ADCYAP1R1: variants seen among roughly 807,000 people sequenced by gnomAD.
The protein encoded by ADCYAP1R1 is pituitary adenylate cyclase-activating polypeptide type I receptor.
Under a neutral mutation model 67.6 loss-of-function variants are expected in ADCYAP1R1, and 44 were observed. That is an observed-to-expected ratio of 0.65 (90% CI 0.51 to 0.84). The LOEUF (loss-of-function observed/expected upper bound fraction) is 0.84, where lower values mean the gene tolerates loss of function less well. Among genes scored for constraint, ADCYAP1R1 ranks in the 40% least tolerant of loss-of-function variants. The pLI, the probability that ADCYAP1R1 is intolerant of heterozygous loss-of-function variation, is 0.00. For missense variants in ADCYAP1R1, 477 were observed against 587.9 expected, an observed-to-expected ratio of 0.81 and a Z score of 1.95; for synonymous variants, 222 against 219.6, an observed-to-expected ratio of 1.01 and a Z score of -0.10.
intron 4 of ADCYAP1R1, among the ~76,000 whole-genome samples, chr7:31,079,771 C>T (rs78384217): frequency 5.9e-5 from 9 of 152,168 alleles, no homozygotes; most frequent in South Asian, 2.1e-4. Context: ...CCGGCCGGCC[C>T]GGGAGGAGGG....
At chr7:31,070,190 G>C (rs1371303864) in intron 3 of ADCYAP1R1, among the ~76,000 whole-genome samples, 1 of 152,230 alleles carries the variant, frequency 6.6e-6, no homozygotes, top group African/African-American at 2.4e-5. Flanking sequence ...AGGCCACACA[G>C]CCCCCAGGCT....
intron 13 of ADCYAP1R1, among the ~76,000 whole-genome samples, chr7:31,093,820 C>T (rs1392096965): frequency 6.6e-6 from 1 of 152,072 alleles, no homozygotes; most frequent in Non-Finnish European, 1.5e-5. Context: ...ACTGGCTGCC[C>T]AGTAGATGAC....
At chr7:31,093,994 C>T (rs987738418) in intron 13 of ADCYAP1R1, among the ~76,000 whole-genome samples, 1 of 152,040 alleles carries the variant, frequency 6.6e-6, no homozygotes, top group South Asian at 2.1e-4. Flanking sequence ...CTTGGTCTGT[C>T]AATCTGTTCA....
intron 4 of ADCYAP1R1, among the ~76,000 whole-genome samples, chr7:31,078,597 A>G (rs1428046569): frequency 6.6e-6 from 1 of 152,238 alleles, no homozygotes. Context: ...CTCAGGCAGA[A>G]TGAGACGCGT....
intron 13 of ADCYAP1R1, chr7:31,099,987 C>A (rs1046985279): frequency 5.1e-6 from 4 of 783,198 alleles, no homozygotes; most frequent in Non-Finnish European, 8.4e-6. Flanking sequence ...TGTCTTGGCC[C>A]TTGGCTCCCT....
chr7:31,093,247 C>T (rs767267873), intron 13 of ADCYAP1R1, among the ~76,000 whole-genome samples: 2 of 152,154 alleles, frequency 1.3e-5, no homozygotes, highest in Non-Finnish European at 2.9e-5. Flanking sequence ...CACAGGCCCT[C>T]GGGGCAGCTC....
intron 11 of ADCYAP1R1, 39 bp downstream of exon 11, chr7:31,087,042 T>A (rs764497275): frequency 6.2e-7 from 1 of 1,610,396 alleles, no homozygotes; most frequent in Non-Finnish European, 8.5e-7. Flanking sequence ...CAGCACAGAG[T>A]AGATTCTTAC....
chr7:31,075,750 CA>C (rs1424260736), intron 3 of ADCYAP1R1, among the ~76,000 whole-genome samples: 1 of 152,126 alleles, frequency 6.6e-6, no homozygotes. Context: ...GGGCTTGTGA[CA>C]TGGCCAGATA....
At chr7:31,058,374 G>A (rs1175513088) in intron 1 of ADCYAP1R1, among the ~76,000 whole-genome samples, 1 of 152,222 alleles carries the variant, frequency 6.6e-6, no homozygotes, top group African/African-American at 2.4e-5. Flanking sequence ...CAGCGACTCA[G>A]AGGAGGACAT....
At chr7:31,066,718 T>A (rs1426378724) in intron 3 of ADCYAP1R1, among the ~76,000 whole-genome samples, 1 of 152,224 alleles carries the variant, frequency 6.6e-6, no homozygotes, top group African/African-American at 2.4e-5. Context: ...CCATAGTTTT[T>A]AAAAGCTCCC....
At chr7:31,055,124 T>C (rs1474082608) in intron 1 of ADCYAP1R1, among the ~76,000 whole-genome samples, 2 of 152,074 alleles carry the variant, frequency 1.3e-5, no homozygotes, top group Non-Finnish European at 2.9e-5. Context: ...GACACACAGC[T>C]GGGACGGCAT....
At chr7:31,093,641 A>C (rs1385907162) in intron 13 of ADCYAP1R1, among the ~76,000 whole-genome samples, 1 of 152,136 alleles carries the variant, frequency 6.6e-6, no homozygotes, top group Non-Finnish European at 1.5e-5. Context: ...TTCTGAGGGC[A>C]GTCCTTGGGG....
At chr7:31,064,057 A>G (rs981105634) in intron 2 of ADCYAP1R1, among the ~76,000 whole-genome samples, 1 of 152,232 alleles carries the variant, frequency 6.6e-6, no homozygotes, top group African/African-American at 2.4e-5. Flanking sequence ...ATAGCAGTGC[A>G]TGGGCTGTGA....
At position 31,085,306 on chromosome 7, in the gene ADCYAP1R1, G is replaced by A. The variant is rs1795691478; in HGVS notation, c.537-4G>A. On this transcript the variant is annotated splice_region_variant and splice_polypyrimidine_tract_variant and intron_variant, in intron 8 of 15. Transcript: ENST00000304166. Reference sequence around the variant, plus strand: ...CTTCTTTCTCCCCTGGCCCACTCATGTAGGAAGCTGCACTGCACACGCAAC... The same window carrying A: ...CTTCTTTCTCCCCTGGCCCACTCATATAGGAAGCTGCACTGCACACGCAAC... The A allele has an allele frequency of 6.2e-7, 1 of 1,612,808 alleles. No homozygotes were observed. The highest frequency in any genetic ancestry group is 1.1e-5 in the South Asian group (1 of 90,890).
chr7:31,103,732 A>G (rs565656954), intron 14 of ADCYAP1R1, among the ~76,000 whole-genome samples: 21 of 152,288 alleles, frequency 1.4e-4, no homozygotes, highest in Non-Finnish European at 2.6e-4. Flanking sequence ...TCTTACCTAC[A>G]TCTAGATCCC....
At chr7:31,065,915 G>A (rs930399111) in intron 3 of ADCYAP1R1, among the ~76,000 whole-genome samples, 2 of 152,224 alleles carry the variant, frequency 1.3e-5, no homozygotes, top group African/African-American at 4.8e-5. Flanking sequence ...AAATGGAATG[G>A]TCCCACTGGA....
At chr7:31,082,521 G>C (rs1795556102) in intron 6 of ADCYAP1R1, among the ~76,000 whole-genome samples, 1 of 152,222 alleles carries the variant, frequency 6.6e-6, no homozygotes, top group Non-Finnish European at 1.5e-5. Context: ...TTTCAAAGCA[G>C]CTTCCCTTTC....
At chr7:31,058,819 A>G (rs1285032990) in intron 1 of ADCYAP1R1, among the ~76,000 whole-genome samples, 1 of 152,144 alleles carries the variant, frequency 6.6e-6, no homozygotes, top group Non-Finnish European at 1.5e-5. Flanking sequence ...ATAGGGATGG[A>G]GTGCACCAAC....
At position 31,058,446 on chromosome 7, in the gene ADCYAP1R1, A is replaced by T. The variant is rs577611899; in HGVS notation, c.-71-4748A>T. Among the ~76,000 whole-genome samples the T allele has an allele frequency of 2.6e-5, 4 of 152,254 alleles. No individual in the cohort carries two copies. The South Asian group carries it at 8.3e-4, about 32-fold the overall frequency. On this transcript the variant is annotated intron_variant, in intron 1 of 15. Transcript: ENST00000304166. ...TGGGCTTATGAGGCCTGAGGAGGAA[A>T]GGGGAATGGTGTGCTATTGGGATCC...
Sources: gnomAD v4.1 joint callset for allele counts (sites outside exome capture counted in the v4.1 genomes callset) on GRCh38, gnomAD v4.1.1 for gene constraint, MANE v1.5 for transcripts, NCBI Gene and HGNC (gene_info 2026-07-23, HGNC 2026-07-21) for gene names.